Variants in MARCKS observed in about 807,000 individuals in gnomAD.
MARCKS encodes myristoylated alanine rich protein kinase C substrate.
In MARCKS, 4 loss-of-function variants were observed where a neutral mutation model predicts 6.3. The ratio of observed to expected loss-of-function variants is 0.63; its 90% CI spans 0.31 to 1.45. The LOEUF is 1.45. Ranked by LOEUF, MARCKS falls within the 40% of genes most tolerant of loss-of-function variation. The pLI is 0.07. For synonymous variants in MARCKS, 289 were observed against 236.5 expected (o/e 1.22, Z -2.04); for missense variants, 636 against 485.7 (o/e 1.31, Z -2.91).
intron 1 of MARCKS, among the ~76,000 whole-genome samples, chr6:113,859,016 G>C (rs1260707854): frequency 6.6e-6 from 1 of 152,052 alleles, no homozygotes; most frequent in African/African-American, 2.4e-5. Flanking sequence ...CTCGGCCTGC[G>C]GGCAGGGCCC....
chr6:113,860,339 C>A lies in MARCKS; in HGVS notation c.759C>A (p.Asp253Glu). Reference protein sequence around the residue: ...AVAPEKPPASDETKAAEEPSK... With the variant: ...AVAPEKPPASEETKAAEEPSK... ...CGCCAGAGAAGCCGCCCGCCAGCGA[C>A]GAGACCAAGGCCGCCGAGGAGCCCA... The change falls in exon 2 of 2, where the codon GAC becomes GAA. Residue 253 changes from aspartate to glutamate, a missense_variant. Coordinates refer to ENST00000612661, the MANE Select transcript of MARCKS (RefSeq NM_002356.7). 7.6e-7 allele frequency: 1 copy of A among 1,309,446 alleles called. No individual in the cohort carries two copies. The highest frequency in any genetic ancestry group is 5.4e-5 in the East Asian group (1 of 18,672). The allele number at this position is 1,309,446 out of a possible 1,614,324, so 81.1% of individuals were successfully genotyped here.
At position 113,863,112 on chromosome 6, in the gene MARCKS, T is replaced by C. The variant is rs551873272; in HGVS notation, c.*2533T>C. 11 of 152,224 alleles carry C rather than the reference T, an allele frequency of 7.2e-5. No homozygotes were observed. Among genetic ancestry groups the C allele is most frequent in the African/African-American group, 2.7e-4 (11 of 41,462 alleles). 9.4% of individuals were successfully genotyped at this position (152,224 alleles called of 1,614,324 possible). ...TGTTCTTTTAACAGCTGGAATTTATTAAGATGCATTATTTTGATTTTATTC... is the reference window on the plus strand; with the variant it reads ...TGTTCTTTTAACAGCTGGAATTTATCAAGATGCATTATTTTGATTTTATTC... On this transcript the variant is annotated 3_prime_UTR_variant, in exon 2 of 2. Coordinates refer to ENST00000612661, the MANE Select transcript of MARCKS (RefSeq NM_002356.7).
intron 1 of MARCKS, among the ~76,000 whole-genome samples, chr6:113,858,737 G>T (rs868265099): frequency 6.6e-6 from 1 of 152,246 alleles, no homozygotes; most frequent in African/African-American, 2.4e-5. Flanking sequence ...TCCTAGAGAA[G>T]AGATCGTGTC....
chr6:113,861,683 A>T lies in MARCKS; in HGVS notation c.*1104A>T, dbSNP rs1774903190. On this transcript the variant is annotated 3_prime_UTR_variant, in exon 2 of 2. Coordinates refer to ENST00000612661, the MANE Select transcript of MARCKS (RefSeq NM_002356.7). ...TGTAAATACTGGAGAAGCTTTGACC[A>T]ATTTGACTTAGAGATGGAATGTAAC... is the stretch of plus-strand genomic sequence containing the variant. The T allele has an allele frequency of 6.6e-6, 1 of 152,644 alleles. No homozygotes were observed. Among genetic ancestry groups the T allele is most frequent in the South Asian group, 2.1e-4 (1 of 4,834 alleles). The allele number at this position is 152,644 out of a possible 1,614,324, so 9.5% of individuals were successfully genotyped here. A position where few individuals can be genotyped will look rare whatever the true frequency, so the allele number is the denominator to read the frequency against.
rs1323568829 is a variant in MARCKS, at chr6:113,860,493, G to T, written c.913G>T (p.Ala305Ser). ...AAPAEEPAAA[A>S]ASSACAAPSQ... ...CCCCGCGGAGGAGCCCGCGGCCGCC[G>T]CAGCCTCGTCAGCCTGCGCAGCCCC... Residue 305 changes from alanine to serine, a missense_variant, in exon 2 of 2, where the codon GCA becomes TCA. Physicochemically the swap from Ala to Ser is moderately conservative, Grantham distance 99. Coordinates refer to ENST00000612661, the MANE Select transcript of MARCKS (RefSeq NM_002356.7). The T allele has an allele frequency of 6.6e-7, 1 of 1,507,348 alleles. No individual in the cohort carries two copies. Among genetic ancestry groups the T allele is most frequent in the Non-Finnish European group, 8.9e-7 (1 of 1,126,890 alleles). The allele number at this position is 1,507,348 out of a possible 1,614,324, so 93.4% of individuals were successfully genotyped here. A position where few individuals can be genotyped will look rare whatever the true frequency, so the allele number is the denominator to read the frequency against.
rs1262715894 is a variant in MARCKS, at chr6:113,860,727, C to T, written c.*148C>T. On this transcript the variant is annotated 3_prime_UTR_variant, in exon 2 of 2. Coordinates refer to ENST00000612661, the MANE Select transcript of MARCKS (RefSeq NM_002356.7). Reference sequence around the variant, plus strand: ...TTTTATTTTACTTTTTTTTAAGCACCAAATTTTGTTGTTTTTTTTTTTTCT... The same window carrying T: ...TTTTATTTTACTTTTTTTTAAGCACTAAATTTTGTTGTTTTTTTTTTTTCT... The T allele has an allele frequency of 3.1e-5, 15 of 490,320 alleles. 1 individual carries two copies. Among genetic ancestry groups the T allele is most frequent in the Admixed American group, 4.6e-5 (1 of 21,978 alleles). 30.4% of individuals were successfully genotyped at this position (490,320 alleles called of 1,614,324 possible).
At position 113,860,447 on chromosome 6, in the gene MARCKS, GCCCCCGGAGCAGGAGGCAGCC is replaced by G. The variant is rs2114522309; in HGVS notation, c.871_891del (p.Pro291_Pro297del). The G allele has an allele frequency of 8.2e-7, 1 of 1,226,896 alleles. No homozygotes were observed. The highest frequency in any genetic ancestry group is 1.0e-6 in the Non-Finnish European group (1 of 970,928). The allele number at this position is 1,226,896 out of a possible 1,614,324, so 76.0% of individuals were successfully genotyped here. Reference sequence around the variant, plus strand: ...CCCCCTCCGCCGCCGGGCCCGGCGCGCCCCCGGAGCAGGAGGCAGCCCCCGCGGAGGAGCCCGCGGCCGCCG... The same window carrying G: ...CCCCCTCCGCCGCCGGGCCCGGCGCGCCCGCGGAGGAGCCCGCGGCCGCCG... On this transcript the variant is annotated inframe_deletion, in exon 2 of 2. Coordinates refer to ENST00000612661, the MANE Select transcript of MARCKS (RefSeq NM_002356.7).
chr6:113,857,821 T>C lies in MARCKS; in HGVS notation c.76T>C (p.Ser26Pro). Reference protein sequence around the residue: ...AERPGEAAVASSPSKANGQEN... With the variant: ...AERPGEAAVAPSPSKANGQEN... Reference sequence around the variant, plus strand: ...GAGGCCTGGGGAGGCGGCTGTGGCCTCGTCGCCTTCCAAAGCGAACGGACA... The same window carrying C: ...GAGGCCTGGGGAGGCGGCTGTGGCCCCGTCGCCTTCCAAAGCGAACGGACA... The change falls in exon 1 of 2, where the codon TCG (serine) becomes CCG (proline). Residue 26 changes from serine (S) to proline (P), a missense_variant. Coordinates refer to ENST00000612661, the MANE Select transcript of MARCKS (RefSeq NM_002356.7). 1.2e-6 allele frequency: 2 copies of C among 1,605,564 alleles called. No individual in the cohort carries two copies. Among genetic ancestry groups the C allele is most frequent in the Non-Finnish European group, 1.7e-6 (2 of 1,176,392 alleles).
chr6:113,857,463 T>C lies in MARCKS; in HGVS notation c.-283T>C, dbSNP rs1055671554. 2.8e-5 allele frequency: 11 copies of C among 392,574 alleles called. No homozygotes were observed. The highest frequency in any genetic ancestry group is 4.6e-5 in the Non-Finnish European group (10 of 218,170). 24.3% of individuals were successfully genotyped at this position (392,574 alleles called of 1,614,324 possible). On this transcript the variant is annotated 5_prime_UTR_variant, in exon 1 of 2. Coordinates refer to ENST00000612661, the MANE Select transcript of MARCKS (RefSeq NM_002356.7). ...TTTATTACTTCTTTTTTTTTCGAAC[T>C]ACACTTGGGCTCCTTTTTTTGTGCT... is the stretch of plus-strand genomic sequence containing the variant.
chr6:113,858,649 T>G (rs537359843), intron 1 of MARCKS, among the ~76,000 whole-genome samples: 97 of 152,322 alleles, frequency 6.4e-4, no homozygotes, highest in Non-Finnish European at 1.2e-3. Context: ...CCCAGGCAGA[T>G]AGCCACGATT....
chr6:113,862,151 A>G lies in MARCKS; in HGVS notation c.*1572A>G, dbSNP rs569321680. On this transcript the variant is annotated 3_prime_UTR_variant, in exon 2 of 2. Coordinates refer to ENST00000612661, the MANE Select transcript of MARCKS (RefSeq NM_002356.7). Reference sequence around the variant, plus strand: ...TCTTATGAGAAAATTTCATAAAGCCATTCTCTTGTCATTCAGGTCCAGAAA... The same window carrying G: ...TCTTATGAGAAAATTTCATAAAGCCGTTCTCTTGTCATTCAGGTCCAGAAA... 11 of 152,276 alleles carry G rather than the reference A, an allele frequency of 7.2e-5. No individual in the cohort carries two copies. Among genetic ancestry groups the G allele is most frequent in the African/African-American group, 2.6e-4 (11 of 41,576 alleles). 9.4% of individuals were successfully genotyped at this position (152,276 alleles called of 1,614,324 possible). A position where few individuals can be genotyped will look rare whatever the true frequency, so the allele number is the denominator to read the frequency against.
rs113437665 is a variant in MARCKS, at chr6:113,857,652, C to T, written c.-94C>T. 1.5e-6 allele frequency: 1 copy of T among 684,424 alleles called. No individual in the cohort carries two copies. Among genetic ancestry groups the T allele is most frequent in the Non-Finnish European group, 2.2e-6 (1 of 450,434 alleles). The allele number at this position is 684,424 out of a possible 1,614,324, so 42.4% of individuals were successfully genotyped here. On this transcript the variant is annotated 5_prime_UTR_variant, in exon 1 of 2. Transcript: ENST00000612661. ...GTGCCGCTGCCGCTGTTGCCGCCGC[C>T]GCTGCTGCTGCTGCTCGCCCCGTCG...
At chr6:113,858,484 A>G (rs1017921727) in intron 1 of MARCKS, among the ~76,000 whole-genome samples, 4 of 152,102 alleles carry the variant, frequency 2.6e-5, no homozygotes, top group Non-Finnish European at 5.9e-5. Flanking sequence ...CATCCATTTG[A>G]TTTTTAAATG....
At position 113,860,408 on chromosome 6, in the gene MARCKS, C is replaced by A; in HGVS notation, c.828C>A (p.Ala276=). The change falls in exon 2 of 2, where the codon GCC becomes GCA. Residue 276 remains alanine, a synonymous_variant. Coordinates refer to ENST00000612661, the MANE Select transcript of MARCKS (RefSeq NM_002356.7). Reference sequence around the variant, plus strand: ...AGGCCGAGGAGGCCGGGGCCAGCGCCGCCGCCTGCGAGGCCCCCTCCGCCG... The same window carrying A: ...AGGCCGAGGAGGCCGGGGCCAGCGCAGCCGCCTGCGAGGCCCCCTCCGCCG... ...EKKAEEAGAS[A]AACEAPSAAG... 1.7e-6 allele frequency: 2 copies of A among 1,156,272 alleles called. No individual in the cohort carries two copies. The highest frequency in any genetic ancestry group is 4.7e-5 in the South Asian group (2 of 42,960). 71.6% of individuals were successfully genotyped at this position (1,156,272 alleles called of 1,614,324 possible). A position where few individuals can be genotyped will look rare whatever the true frequency, so the allele number is the denominator to read the frequency against.
Position 113,860,290 on chromosome 6 carries a change from C to G in MARCKS, c.710C>G (p.Ala237Gly), listed in dbSNP as rs772083976. The G allele has an allele frequency of 6.5e-5, 82 of 1,252,792 alleles. 3 individuals carry two copies. The South Asian group carries it at 1.1e-3, about 17-fold the overall frequency. The allele number at this position is 1,252,792 out of a possible 1,614,324, so 77.6% of individuals were successfully genotyped here. A position where few individuals can be genotyped will look rare whatever the true frequency, so the allele number is the denominator to read the frequency against. The change falls in exon 2 of 2, where the codon GCC becomes GGC. Residue 237 changes from alanine (A) to glycine (G), a missense_variant. Physicochemically the swap from Ala to Gly is moderately conservative, Grantham distance 60. Transcript: ENST00000612661. Reference sequence around the variant, plus strand: ...GCGGCGGGTGGCGACCCGCAGGAGGCCAAGCCCCAGGAGGCCGCTGTCGCG... The same window carrying G: ...GCGGCGGGTGGCGACCCGCAGGAGGGCAAGCCCCAGGAGGCCGCTGTCGCG... Reference protein sequence around the residue: ...EGAAGGDPQEAKPQEAAVAPE... With the variant: ...EGAAGGDPQEGKPQEAAVAPE...
At chr6:113,859,336 T>C (rs2114520690) in intron 1 of MARCKS, among the ~76,000 whole-genome samples, 1 of 152,366 alleles carries the variant, frequency 6.6e-6, no homozygotes, top group Admixed American at 6.5e-5. Flanking sequence ...TGGCACCTTT[T>C]TTCCCCCAAG....
rs1466041160 is a variant in MARCKS at position 113,862,984 on chromosome 6, C to A, written c.*2405C>A. On this transcript the variant is annotated 3_prime_UTR_variant, in exon 2 of 2. Transcript: ENST00000612661. ...GTTACCTAGATGGCCAAGTACAGTGCCTGGTATGTAGTAAGACTCAGTAAA... is the reference window on the plus strand; with the variant it reads ...GTTACCTAGATGGCCAAGTACAGTGACTGGTATGTAGTAAGACTCAGTAAA... 1 of 152,094 alleles carries A rather than the reference C, an allele frequency of 6.6e-6. No individual in the cohort carries two copies. Among genetic ancestry groups the A allele is most frequent in the East Asian group, 1.9e-4 (1 of 5,198 alleles). The allele number at this position is 152,094 out of a possible 1,614,324, so 9.4% of individuals were successfully genotyped here. A position where few individuals can be genotyped will look rare whatever the true frequency, so the allele number is the denominator to read the frequency against.
rs1286719810 is a variant in MARCKS at position 113,860,496 on chromosome 6, G to T, written c.916G>T (p.Ala306Ser). The change falls in exon 2 of 2, where the codon GCC becomes TCC. Residue 306 changes from alanine to serine, a missense_variant. Transcript: ENST00000612661. ...CGCGGAGGAGCCCGCGGCCGCCGCAGCCTCGTCAGCCTGCGCAGCCCCCTC... is the reference window on the plus strand; with the variant it reads ...CGCGGAGGAGCCCGCGGCCGCCGCATCCTCGTCAGCCTGCGCAGCCCCCTC... ...APAEEPAAAA[A>S]SSACAAPSQE... The T allele has an allele frequency of 2.6e-6, 4 of 1,515,750 alleles. No individual in the cohort carries two copies. Among genetic ancestry groups the T allele is most frequent in the Non-Finnish European group, 3.5e-6 (4 of 1,131,820 alleles). 93.9% of individuals were successfully genotyped at this position (1,515,750 alleles called of 1,614,324 possible).
At chr6:113,859,568 C>A (rs1774843076) in intron 1 of MARCKS, 115 bp from the exon 2 acceptor site, 2 of 934,774 alleles carry the variant, frequency 2.1e-6, no homozygotes, top group Non-Finnish European at 1.4e-6. Context: ...GGGGTGGGGT[C>A]TCGATGGCCA....
Sources: allele counts gnomAD v4.1 joint callset (sites outside exome capture counted in the v4.1 genomes callset), GRCh38; gene constraint gnomAD v4.1.1; transcripts MANE v1.5; gene names NCBI Gene and HGNC (gene_info 2026-07-23, HGNC 2026-07-21).